The following PDE3A variants were observed in gnomAD, a reference collection of about 807,000 sequenced individuals.
PDE3A encodes the protein cGMP-inhibited 3',5'-cyclic phosphodiesterase 3A.
PDE3A carries 43 observed loss-of-function variants against 98.3 expected under a neutral mutation model. That is an observed-to-expected ratio of 0.44 (90% CI 0.34 to 0.56). The LOEUF (loss-of-function observed/expected upper bound fraction) is 0.56. Among genes scored for constraint, PDE3A ranks in the 20% least tolerant of loss-of-function variants. The pLI is 0.01. For synonymous variants in PDE3A, 663 were observed against 567.9 expected (o/e 1.17, Z -2.38); for missense variants, 1,427 against 1,440.7 (o/e 0.99, Z 0.15).
intron 2 of PDE3A, among the ~76,000 whole-genome samples, chr12:20,602,045 T>C (rs535458244): frequency 3.9e-5 from 6 of 152,196 alleles, no homozygotes; most frequent in African/African-American, 1.4e-4. Context: ...TTAAAACTCT[T>C]TCTCATATCA....
intron 1 of PDE3A, among the ~76,000 whole-genome samples, chr12:20,377,760 A>G (rs956919260): frequency 1.3e-5 from 2 of 151,398 alleles, no homozygotes; most frequent in Non-Finnish European, 3.0e-5. Flanking sequence ...GGAGGGGGAG[A>G]TTTAGCAGAG....
In PDE3A at chr12:20,578,181, G is replaced by T. The variant is rs540705648; in HGVS notation, c.1011+21471G>T. Among the ~76,000 whole-genome samples, 4 of 152,186 alleles carry T rather than the reference G, an allele frequency of 2.6e-5. No homozygotes were observed. The South Asian group carries it at 8.3e-4, about 32-fold the overall frequency. On this transcript the variant is annotated intron_variant, in intron 2 of 15. Coordinates refer to ENST00000359062, the MANE Select transcript of PDE3A (RefSeq NM_000921.5). ...TAGTCTAATATGCTCCCCAGAGAAG[G>T]CTTCATAAATAAGCTATATTCTTTA...
At chr12:20,443,310 T>C (rs1175819429) in intron 1 of PDE3A, among the ~76,000 whole-genome samples, 1 of 152,170 alleles carries the variant, frequency 6.6e-6, no homozygotes, top group African/African-American at 2.4e-5. Context: ...ACTGTATTCC[T>C]AACTCCTAAC....
chr12:20,670,048 C>T (rs1203676861), intron 15 of PDE3A, among the ~76,000 whole-genome samples: 2 of 150,254 alleles, frequency 1.3e-5, no homozygotes, highest in East Asian at 3.9e-4. Flanking sequence ...GATTGCAATC[C>T]TAGTCTCTGA....
chr12:20,384,505 A>G (rs1943715723), intron 1 of PDE3A, among the ~76,000 whole-genome samples: 3 of 151,886 alleles, frequency 2.0e-5, no homozygotes, highest in Non-Finnish European at 2.9e-5. Flanking sequence ...CTGATACTCT[A>G]CCTATCTTTT....
intron 1 of PDE3A, among the ~76,000 whole-genome samples, chr12:20,371,873 C>T (rs978610697): frequency 1.4e-4 from 21 of 152,018 alleles, no homozygotes; most frequent in African/African-American, 4.6e-4. Flanking sequence ...AAAACACCAC[C>T]GCTTTAAGTA....
intron 14 of PDE3A, among the ~76,000 whole-genome samples, chr12:20,650,915 G>T (rs1206968705): frequency 6.6e-6 from 1 of 152,072 alleles, no homozygotes; most frequent in African/African-American, 2.4e-5. Flanking sequence ...ATCATAGAAG[G>T]TAGTTTAAAT....
At chr12:20,464,108 T>C (rs1156822212) in intron 1 of PDE3A, among the ~76,000 whole-genome samples, 1 of 152,198 alleles carries the variant, frequency 6.6e-6, no homozygotes, top group African/African-American at 2.4e-5. Context: ...TAATCATTAT[T>C]CTGCACTTGC....
At chr12:20,399,496 C>T (rs1444588875) in intron 1 of PDE3A, among the ~76,000 whole-genome samples, 1 of 152,102 alleles carries the variant, frequency 6.6e-6, no homozygotes, top group African/African-American at 2.4e-5. Context: ...ATACATGAAA[C>T]ACATTTAGCA....
Position 20,552,303 on chromosome 12 carries a change from C to T in PDE3A, c.961-4357C>T. On this transcript the variant is annotated intron_variant, in intron 1 of 15. Coordinates refer to ENST00000359062, the MANE Select transcript of PDE3A (RefSeq NM_000921.5). The surrounding 1 kb of genome is among the most constrained non-coding windows in gnomAD (Gnocchi z 5.1). ...CTGAGGGCAACCGCTACGATGGCAT[C>T]TACAAGGTTGTGAAATACTGGCCCG... The T allele has an allele frequency of 6.2e-7, 1 of 1,613,872 alleles. No homozygotes were observed. Among genetic ancestry groups the T allele is most frequent in the South Asian group, 1.1e-5 (1 of 91,074 alleles).
intron 1 of PDE3A, among the ~76,000 whole-genome samples, chr12:20,497,501 A>T (rs1207213423): frequency 6.6e-6 from 1 of 151,598 alleles, no homozygotes; most frequent in Non-Finnish European, 1.5e-5. Context: ...AAAGTTTTTA[A>T]AAAACATAGG....
chr12:20,400,391 T>C (rs11045217), intron 1 of PDE3A, among the ~76,000 whole-genome samples: 2,515 of 19,298 alleles, frequency 0.13, 60 homozygotes, highest in East Asian at 0.32. Flanking sequence ...TTTTTTTTTT[T>C]TTTTTTTTTT....
At chr12:20,469,890 C>A (rs2120961467) in intron 1 of PDE3A, among the ~76,000 whole-genome samples, 1 of 152,228 alleles carries the variant, frequency 6.6e-6, no homozygotes. Flanking sequence ...GGTCAGTGTT[C>A]AGAATGAAGG....
intron 4 of PDE3A, among the ~76,000 whole-genome samples, chr12:20,618,806 CT>C (rs1447782941): frequency 6.6e-6 from 1 of 152,064 alleles, no homozygotes; most frequent in Non-Finnish European, 1.5e-5. Flanking sequence ...GAATTGACCC[CT>C]GCCTGTGTAT....
intron 15 of PDE3A, among the ~76,000 whole-genome samples, chr12:20,671,472 C>T (rs1945480197): frequency 1.8e-5 from 2 of 109,700 alleles, no homozygotes; most frequent in Admixed American, 1.7e-4. Flanking sequence ...CAAACTGAAT[C>T]CAGCAGCACA....
chr12:20,682,743 T>C lies in PDE3A; in HGVS notation c.*2472T>C, dbSNP rs1945825672. 2 of 152,204 alleles carry C rather than the reference T, an allele frequency of 1.3e-5. No individual in the cohort carries two copies. Among genetic ancestry groups the C allele is most frequent in the South Asian group, 4.1e-4 (2 of 4,830 alleles). The allele number at this position is 152,204 out of a possible 1,614,324, so 9.4% of individuals were successfully genotyped here. On this transcript the variant is annotated 3_prime_UTR_variant, in exon 16 of 16. Coordinates refer to ENST00000359062, the MANE Select transcript of PDE3A (RefSeq NM_000921.5). The stretch of plus-strand genomic sequence containing the variant: ...ATTAAGGGGAAAAAAGCATTTATCT[T>C]ATCTTCTCATACCCCTTGCATCTAA...
intron 1 of PDE3A, among the ~76,000 whole-genome samples, chr12:20,515,489 G>A (rs947057504): frequency 6.6e-6 from 1 of 152,100 alleles, no homozygotes; most frequent in African/African-American, 2.4e-5. Context: ...GTTCCTAGAG[G>A]ACAGTTGATA....
intron 15 of PDE3A, among the ~76,000 whole-genome samples, chr12:20,656,209 C>T (rs1274608554): frequency 6.6e-6 from 1 of 152,152 alleles, no homozygotes. Flanking sequence ...CAGTGAAAGA[C>T]ATTCTGATCA....
At chr12:20,631,840 G>C (rs1217712623) in intron 6 of PDE3A, among the ~76,000 whole-genome samples, 1 of 151,314 alleles carries the variant, frequency 6.6e-6, no homozygotes. Context: ...TTATTTGTTT[G>C]GGCTTTATAA....
Sources: gnomAD v4.1 joint callset for allele counts (sites outside exome capture counted in the v4.1 genomes callset) on GRCh38, gnomAD v4.1.1 for gene constraint, Gnocchi (gnomAD v3.1) non-coding constraint, MANE v1.5 for transcripts, NCBI Gene and HGNC (gene_info 2026-07-23, HGNC 2026-07-21) for gene names.